The following COL4A3 variants were observed in gnomAD, a reference collection of about 807,000 sequenced individuals.
COL4A3 encodes collagen type IV alpha 3 chain.
In COL4A3, 135 loss-of-function variants were observed where a neutral mutation model predicts 217.4. That is an observed-to-expected ratio of 0.62 (90% CI 0.54 to 0.72). The LOEUF (loss-of-function observed/expected upper bound fraction) is 0.72, where lower values mean the gene tolerates loss of function less well. Among genes scored for constraint, COL4A3 ranks in the 30% least tolerant of loss-of-function variants. COL4A3 has a pLI of 0.00. For synonymous variants in COL4A3, 690 were observed against 736.3 expected (o/e 0.94, Z 1.02); for missense variants, 1,868 against 2,119.9 (o/e 0.88, Z 2.33).
At chr2:227,265,554 G>C (rs943787572) in intron 21 of COL4A3, 1 of 152,212 alleles carries the variant, frequency 6.6e-6, no homozygotes, top group African/African-American at 2.4e-5. Context: ...GCTGAGAAGA[G>C]CTTTCTTAGA....
At position 227,199,241 on chromosome 2, in the gene COL4A3, T is replaced by C. The variant is rs540650582; in HGVS notation, c.87+34428T>C. On this transcript the variant is annotated intron_variant, in intron 1 of 51. Transcript: ENST00000396578. ...TCTTCCGGAGGATTTACCTGTGTAA[T>C]TGCAACCTCAGTAGTTTTATAGCAG... 3.3e-5 allele frequency among the ~76,000 whole-genome samples: 5 copies of C among 152,318 alleles called. No individual in the cohort carries two copies. In the South Asian group the frequency reaches 1.0e-3, roughly 32 times the overall value.
At chr2:227,244,736 A>T in intron 4 of COL4A3, 2 of 733,294 alleles carry the variant, frequency 2.7e-6, no homozygotes, top group Non-Finnish European at 2.4e-6. Context: ...AAAGCCAAAA[A>T]TAATCTTAAT....
rs116153356 is a variant in COL4A3, at chr2:227,197,534, A to T, written c.87+32721A>T. On this transcript the variant is annotated intron_variant, in intron 1 of 51. Transcript: ENST00000396578. ...TTAAGTAACACATAACTGTATACTT[A>T]AAAAAAAATCACCAAGACCAAGTAG... Among the ~76,000 whole-genome samples the T allele has an allele frequency of 3.6e-3, 543 of 149,450 alleles. 1 individual carries two copies. Among genetic ancestry groups the T allele is most frequent in the African/African-American group, 0.013 (528 of 39,170 alleles).
chr2:227,256,275 C>T, intron 16 of COL4A3, 68 bp from the exon 17 acceptor site: 4 of 1,422,168 alleles, frequency 2.8e-6, no homozygotes, highest in Non-Finnish European at 3.0e-6. Context: ...GTTCAAATTG[C>T]ACCTGCTCCC....
At chr2:227,248,569 T>G in intron 9 of COL4A3, 49 bp downstream of exon 9, 1 of 1,243,474 alleles carries the variant, frequency 8.0e-7, no homozygotes, top group Non-Finnish European at 1.2e-6. Flanking sequence ...TTTCACTCTC[T>G]CTCTCTCTTT....
intron 1 of COL4A3, among the ~76,000 whole-genome samples, chr2:227,217,594 T>G (rs888630814): frequency 6.6e-6 from 1 of 152,172 alleles, no homozygotes; most frequent in Non-Finnish European, 1.5e-5. Context: ...ACCATCACTA[T>G]AGGATGGTGG....
chr2:227,195,652 C>CAGAT lies in COL4A3; in HGVS notation c.87+30840_87+30841insGATA, dbSNP rs1491298184. On this transcript the variant is annotated intron_variant, in intron 1 of 51. Coordinates refer to ENST00000396578, the MANE Select transcript of COL4A3 (RefSeq NM_000091.5). ...TTTATTATTATTTTAGAGTCTATGC[C>CAGAT]ACATATATATATATATGTGTGTGTG... 1.4e-3 allele frequency among the ~76,000 whole-genome samples: 197 copies of CAGAT among 139,398 alleles called. 2 individuals are homozygous for CAGAT. The highest frequency in any genetic ancestry group is 5.0e-3 in the African/African-American group (188 of 37,792). 91.5% of individuals were successfully genotyped at this position (139,398 alleles called of 152,430 possible). A position where few individuals can be genotyped will look rare whatever the true frequency, so the allele number is the denominator to read the frequency against.
At chr2:227,254,003 A>G in intron 13 of COL4A3, 109 bp from the exon 14 acceptor site, 1 of 1,023,672 alleles carries the variant, frequency 9.8e-7, no homozygotes, top group Non-Finnish European at 1.5e-6. Context: ...AGGCACATTC[A>G]TAGTTTGTAA....
intron 1 of COL4A3, among the ~76,000 whole-genome samples, chr2:227,171,078 A>C (rs2065457082): frequency 1.3e-5 from 2 of 152,224 alleles, no homozygotes; most frequent in South Asian, 4.1e-4. Flanking sequence ...TGTAGCATTT[A>C]ATGGCTTATT....
chr2:227,235,772 C>CTTTTTTTTT lies in COL4A3; in HGVS notation c.88-2184_88-2176dup, dbSNP rs201024233. 1.1e-3 allele frequency among the ~76,000 whole-genome samples: 136 copies of CTTTTTTTTT among 122,414 alleles called. 3 individuals carry two copies. Among genetic ancestry groups the CTTTTTTTTT allele is most frequent in the African/African-American group, 4.2e-3 (130 of 31,222 alleles). 80.3% of individuals were successfully genotyped at this position (122,414 alleles called of 152,430 possible). On this transcript the variant is annotated intron_variant, in intron 1 of 51. Coordinates refer to ENST00000396578, the MANE Select transcript of COL4A3 (RefSeq NM_000091.5). ...TGCTGCTAATGCCATTATTTCATTC[C>CTTTTTTTTT]TTTTTTTTTTTTTTTTTTTTAATGG... is the stretch of plus-strand genomic sequence containing the variant.
chr2:227,207,212 C>T lies in COL4A3; in HGVS notation c.88-30756C>T, dbSNP rs530421332. On this transcript the variant is annotated intron_variant, in intron 1 of 51. Coordinates refer to ENST00000396578, the MANE Select transcript of COL4A3 (RefSeq NM_000091.5). Reference sequence around the variant, plus strand: ...AGGTTTCTAAACTAAGAGAACTTATCTGTGCCTTAGAAAAAGAGTTCTAGG... The same window carrying T: ...AGGTTTCTAAACTAAGAGAACTTATTTGTGCCTTAGAAAAAGAGTTCTAGG... Among the ~76,000 whole-genome samples, 16 of 152,300 alleles carry T rather than the reference C, an allele frequency of 1.1e-4. No individual in the cohort carries two copies. The East Asian group carries it at 3.1e-3, about 29-fold the overall frequency.
intron 1 of COL4A3, among the ~76,000 whole-genome samples, chr2:227,188,960 T>C (rs561197703): frequency 6.6e-6 from 1 of 152,254 alleles, no homozygotes; most frequent in East Asian, 1.9e-4. Context: ...AAGGAGCATA[T>C]AGAAGGGTGT....
chr2:227,274,287 T>C (rs2071424433), intron 26 of COL4A3, among the ~76,000 whole-genome samples: 2 of 99,290 alleles, frequency 2.0e-5, no homozygotes, highest in South Asian at 7.6e-4. Flanking sequence ...TAAAAATCAC[T>C]TTAAAGGGTA....
chr2:227,302,677 C>CAAAAAAAAAAAAAAAAAAAAAAAAA lies in COL4A3; in HGVS notation c.3883-356_3883-332dup, dbSNP rs56065709. Among the ~76,000 whole-genome samples the CAAAAAAAAAAAAAAAAAAAAAAAAA allele has an allele frequency of 6.9e-4, 55 of 79,894 alleles. 4 individuals are homozygous for CAAAAAAAAAAAAAAAAAAAAAAAAA. The highest frequency in any genetic ancestry group is 9.8e-4 in the African/African-American group (15 of 15,328). The allele number at this position is 79,894 out of a possible 152,430, so 52.4% of individuals were successfully genotyped here. On this transcript the variant is annotated intron_variant, in intron 43 of 51. Coordinates refer to ENST00000396578, the MANE Select transcript of COL4A3 (RefSeq NM_000091.5). The stretch of plus-strand genomic sequence containing the variant: ...GGAGGACAAAACGAGACTCTTTCTC[C>CAAAAAAAAAAAAAAAAAAAAAAAAA]AAAAAAAAAAAAAAAAAAAAAAAAA...
At position 227,223,096 on chromosome 2, in the gene COL4A3, CT is replaced by C. The variant is rs952370974; in HGVS notation, c.88-14867del. Among the ~76,000 whole-genome samples, 132 of 152,114 alleles carry C rather than the reference CT, an allele frequency of 8.7e-4. 1 individual carries two copies. Among genetic ancestry groups the C allele is most frequent in the African/African-American group, 2.9e-3 (120 of 41,510 alleles). ...AAGTTCTGGGGATGAATCTTAGTTC[CT>C]TTTTAATACTTGATATGCTAAGGAA... On this transcript the variant is annotated intron_variant, in intron 1 of 51. Coordinates refer to ENST00000396578, the MANE Select transcript of COL4A3 (RefSeq NM_000091.5).
chr2:227,177,610 A>G (rs1030349624), intron 1 of COL4A3, among the ~76,000 whole-genome samples: 2 of 152,102 alleles, frequency 1.3e-5, no homozygotes, highest in African/African-American at 2.4e-5. Context: ...CTATTTTGCT[A>G]TTTGAGGTTT....
chr2:227,224,678 C>G (rs2067991317), intron 1 of COL4A3, among the ~76,000 whole-genome samples: 1 of 151,940 alleles, frequency 6.6e-6, no homozygotes, highest in Non-Finnish European at 1.5e-5. Context: ...TCGCTTGAAC[C>G]CGGGAGGCAG....
chr2:227,262,467 T>G (rs1030693851), intron 20 of COL4A3, among the ~76,000 whole-genome samples: 2 of 152,236 alleles, frequency 1.3e-5, no homozygotes, highest in Non-Finnish European at 2.9e-5. Flanking sequence ...AATCTGTAGA[T>G]TGCTTTGGGT....
At chr2:227,243,889 C>G (rs1301677771) in intron 3 of COL4A3, among the ~76,000 whole-genome samples, 1 of 152,182 alleles carries the variant, frequency 6.6e-6, no homozygotes, top group Non-Finnish European at 1.5e-5. Flanking sequence ...CATTCTCATC[C>G]ACAACTGTAG....
Sources: allele counts gnomAD v4.1 joint callset (sites outside exome capture counted in the v4.1 genomes callset), GRCh38; gene constraint gnomAD v4.1.1; transcripts MANE v1.5; gene names NCBI Gene and HGNC (gene_info 2026-07-23, HGNC 2026-07-21).